The following BCL7A variants were observed in gnomAD, a reference collection of about 807,000 sequenced individuals.
BCL7A encodes BAF chromatin remodeling complex subunit BCL7A, also known as B-cell CLL/lymphoma 7 protein family member A.
BCL7A carries 11 observed loss-of-function variants against 28.4 expected under a neutral mutation model. That is an observed-to-expected ratio of 0.39 (90% CI 0.24 to 0.64). The LOEUF (loss-of-function observed/expected upper bound fraction) is 0.64, where lower values mean the gene tolerates loss of function less well. Ranked by LOEUF, BCL7A falls within the 30% of genes least tolerant of loss-of-function variation. The pLI is 0.50. For synonymous variants in BCL7A, 123 were observed against 103.3 expected, an observed-to-expected ratio of 1.19 and a Z score of -1.15; for missense variants, 222 against 274.8, an observed-to-expected ratio of 0.81 and a Z score of 1.36.
chr12:122,032,880 C>T (rs1028486948), intron 2 of BCL7A, among the ~76,000 whole-genome samples: 9 of 152,128 alleles, frequency 5.9e-5, no homozygotes, highest in Admixed American at 3.9e-4. Context: ...CGATGGTTCT[C>T]GGCCTGGCTG....
At chr12:122,031,359 C>CCA (rs768368708) in intron 2 of BCL7A, among the ~76,000 whole-genome samples, 11 of 152,200 alleles carry the variant, frequency 7.2e-5, no homozygotes, top group Admixed American at 5.9e-4. Flanking sequence ...CGAGCGCCCC[C>CCA]CCCAGGGCTT....
At chr12:122,045,053 T>C in intron 4 of BCL7A, among the ~76,000 whole-genome samples, 1 of 151,620 alleles carries the variant, frequency 6.6e-6, no homozygotes, top group East Asian at 1.9e-4. Context: ...AGGAGAGCAG[T>C]GTGGGCAGAG....
At chr12:122,028,488 G>A (rs932510767) in intron 1 of BCL7A, among the ~76,000 whole-genome samples, 1 of 151,944 alleles carries the variant, frequency 6.6e-6, no homozygotes, top group Non-Finnish European at 1.5e-5. Context: ...GGGCTCATGA[G>A]TAATGAATGG....
intron 4 of BCL7A, among the ~76,000 whole-genome samples, chr12:122,052,898 C>G (rs373610888): frequency 3.5e-5 from 5 of 141,542 alleles, no homozygotes; most frequent in South Asian, 4.8e-4. Context: ...CCATGTTGGC[C>G]AGGCTGGTCT....
At chr12:122,045,579 A>T (rs1322835712) in intron 4 of BCL7A, among the ~76,000 whole-genome samples, 1 of 152,006 alleles carries the variant, frequency 6.6e-6, no homozygotes. Context: ...GATTGTGTGA[A>T]TGTGTACACA....
intron 1 of BCL7A, among the ~76,000 whole-genome samples, chr12:122,022,644 C>T (rs1593019397): frequency 6.8e-6 from 1 of 146,364 alleles, no homozygotes; most frequent in Admixed American, 6.8e-5. Flanking sequence ...GCCGCCGCCG[C>T]CGTCTCCTCC....
intron 2 of BCL7A, among the ~76,000 whole-genome samples, chr12:122,033,146 T>TC (rs1271595770): frequency 6.6e-6 from 1 of 151,962 alleles, no homozygotes; most frequent in Non-Finnish European, 1.5e-5. Flanking sequence ...GTCACTTTTT[T>TC]TTTTTTTTTA....
In BCL7A at chr12:122,059,374, G is replaced by A. The variant is rs1390239321; in HGVS notation, c.*211G>A. 1.9e-6 allele frequency: 1 copy of A among 520,424 alleles called. No individual in the cohort carries two copies. The highest frequency in any genetic ancestry group is 1.9e-5 in the African/African-American group (1 of 52,370). 32.2% of individuals were successfully genotyped at this position (520,424 alleles called of 1,614,324 possible). ...GAAGCAAAACACTCAAACCTTTAAG[G>A]GACTGTCCTTGGGGAGGCAGGCGGG... On this transcript the variant is annotated 3_prime_UTR_variant, in exon 6 of 6. Transcript: ENST00000261822. The surrounding 1 kb of genome is among the most constrained non-coding windows in gnomAD (Gnocchi z 4.0).
intron 5 of BCL7A, among the ~76,000 whole-genome samples, chr12:122,057,555 G>A (rs900070272): frequency 3.9e-4 from 59 of 152,174 alleles, no homozygotes; most frequent in African/African-American, 1.4e-3. Context: ...GCGGAGAGGT[G>A]GCTTCAGGGG....
chr12:122,031,355 C>CCG (rs56075234), intron 2 of BCL7A, among the ~76,000 whole-genome samples: 5 of 85,430 alleles, frequency 5.9e-5, no homozygotes, highest in Non-Finnish European at 1.4e-4. Flanking sequence ...GGGCCGAGCG[C>CCG]CCCCCCCAGG....
intron 3 of BCL7A, among the ~76,000 whole-genome samples, chr12:122,043,672 GGAGGCAGT>G (rs2135852058): frequency 1.3e-5 from 2 of 151,758 alleles, no homozygotes; most frequent in Non-Finnish European, 2.9e-5. Flanking sequence ...CTCGGGAGGT[GGAGGCAGT>G]GAGCCAAGAT....
chr12:122,043,178 C>G (rs1221626240), intron 3 of BCL7A, among the ~76,000 whole-genome samples: 1 of 152,070 alleles, frequency 6.6e-6, no homozygotes, highest in East Asian at 1.9e-4. Context: ...CCTCACGGAC[C>G]ATGCCGTGTC....
chr12:122,030,838 A>C, intron 2 of BCL7A, 57 bp downstream of exon 2: 1 of 1,516,854 alleles, frequency 6.6e-7, no homozygotes, highest in Non-Finnish European at 9.2e-7. Context: ...TCCTCCCACC[A>C]TGGGGAGGGA....
At chr12:122,025,507 G>C (rs1883605430) in intron 1 of BCL7A, among the ~76,000 whole-genome samples, 1 of 151,534 alleles carries the variant, frequency 6.6e-6, no homozygotes, top group African/African-American at 2.4e-5. Flanking sequence ...GGCGCCTGTA[G>C]TCCCAGCTAC....
In BCL7A at chr12:122,026,746, A is replaced by G. The variant is rs111475658; in HGVS notation, c.93-3954A>G. ...GGACTAGCCATGAGGAGTGAGTACA[A>G]GGACAGGGAGTAGAGCTTTCCTGGA... is the stretch of plus-strand genomic sequence containing the variant. On this transcript the variant is annotated intron_variant, in intron 1 of 5. Transcript: ENST00000261822. Among the ~76,000 whole-genome samples the G allele has an allele frequency of 1.0e-3, 158 of 152,346 alleles. 3 individuals carry two copies. Among genetic ancestry groups the G allele is most frequent in the African/African-American group, 3.6e-3 (150 of 41,586 alleles).
At chr12:122,042,039 G>A (rs1447062534) in intron 3 of BCL7A, among the ~76,000 whole-genome samples, 2 of 152,172 alleles carry the variant, frequency 1.3e-5, no homozygotes, top group African/African-American at 2.4e-5. Context: ...TCGCGCCACC[G>A]CACTCCAGCC....
At chr12:122,024,298 G>C (rs1883561444) in intron 1 of BCL7A, among the ~76,000 whole-genome samples, 3 of 152,288 alleles carry the variant, frequency 2.0e-5, no homozygotes, top group East Asian at 1.9e-4. Context: ...TCTAACCATG[G>C]TGACCCGGGG....
chr12:122,038,501 C>A (rs887397676), intron 3 of BCL7A, among the ~76,000 whole-genome samples: 1 of 149,116 alleles, frequency 6.7e-6, no homozygotes, highest in Admixed American at 6.8e-5. Flanking sequence ...TCAAGAAAGC[C>A]CCCCCAACCA....
chr12:122,043,174 G>A (rs563149732), intron 3 of BCL7A, among the ~76,000 whole-genome samples: 11 of 152,074 alleles, frequency 7.2e-5, no homozygotes, highest in African/African-American at 2.4e-4. Context: ...CCCGCCTCAC[G>A]GACCATGCCG....
Sources: gnomAD v4.1 joint callset for allele counts (sites outside exome capture counted in the v4.1 genomes callset) on GRCh38, gnomAD v4.1.1 for gene constraint, Gnocchi (gnomAD v3.1) non-coding constraint, MANE v1.5 for transcripts, NCBI Gene and HGNC (gene_info 2026-07-23, HGNC 2026-07-21) for gene names.